LMO7: variants seen among roughly 807,000 people sequenced by gnomAD.
The protein encoded by LMO7 is LIM domain 7.
LMO7 carries 120 observed loss-of-function variants against 206.5 expected under a neutral mutation model. That is an observed-to-expected ratio of 0.58 (90% CI 0.50 to 0.68). LMO7 has a LOEUF of 0.68. LMO7 is among the 30% of genes least tolerant of loss of function. The pLI is 0.00. For missense variants in LMO7, 1,959 were observed against 1,957.9 expected (o/e 1.00, Z -0.01); for synonymous variants, 706 against 681.5 (o/e 1.04, Z -0.56).
At chr13:75,832,000 T>C (rs1434199298) in intron 15 of LMO7, among the ~76,000 whole-genome samples, 1 of 152,158 alleles carries the variant, frequency 6.6e-6, no homozygotes, top group African/African-American at 2.4e-5. Context: ...CTGGGTTAGG[T>C]TTAACTGCCA....
At chr13:75,842,095 A>G in intron 24 of LMO7, 112 bp downstream of exon 24, 2 of 753,102 alleles carry the variant, frequency 2.7e-6, no homozygotes, top group Non-Finnish European at 4.3e-6. Flanking sequence ...ACAAGTGAAT[A>G]CAAGCCACCA....
At chr13:75,623,522 C>G (rs1424424555) in intron 2 of LMO7, among the ~76,000 whole-genome samples, 1 of 151,856 alleles carries the variant, frequency 6.6e-6, no homozygotes, top group Non-Finnish European at 1.5e-5. Flanking sequence ...TGCCACCATA[C>G]CAGGCAAGTT....
chr13:75,645,615 A>G (rs2036937866), intron 1 of LMO7, among the ~76,000 whole-genome samples: 1 of 152,250 alleles, frequency 6.6e-6, no homozygotes, highest in Non-Finnish European at 1.5e-5. Context: ...TTTTACATGA[A>G]GAAGGGGACA....
chr13:75,825,434 G>A lies in LMO7; in HGVS notation c.2949+1561G>A, dbSNP rs371666698. Among the ~76,000 whole-genome samples, 3 of 152,272 alleles carry A rather than the reference G, an allele frequency of 2.0e-5. No homozygotes were observed. The East Asian group carries it at 5.8e-4, about 29-fold the overall frequency. The stretch of plus-strand genomic sequence containing the variant: ...TGACTAACTGCAACTGTGGATTAAG[G>A]AAAAGAGGCTAAGTGTGGTGCGTGG... On this transcript the variant is annotated intron_variant, in intron 15 of 30. Transcript: ENST00000377534.
intron 1 of LMO7, among the ~76,000 whole-genome samples, chr13:75,666,854 C>A (rs73225919): frequency 2.6e-4 from 40 of 152,224 alleles, no homozygotes; most frequent in Non-Finnish European, 5.3e-4. Context: ...TGCCCAGAAG[C>A]CAGCCAAACA....
chr13:75,800,952 G>A (rs2054646258), intron 7 of LMO7, 70 bp downstream of exon 7: 4 of 1,466,732 alleles, frequency 2.7e-6, no homozygotes, highest in Non-Finnish European at 3.8e-6. Context: ...GGAGAGAATA[G>A]AAAAATGGAG....
chr13:75,711,655 C>G (rs1006097195), intron 1 of LMO7, among the ~76,000 whole-genome samples: 5 of 152,184 alleles, frequency 3.3e-5, no homozygotes, highest in African/African-American at 1.2e-4. Flanking sequence ...GAGAGGAAGC[C>G]AGTACCTCAG....
intron 1 of LMO7, among the ~76,000 whole-genome samples, chr13:75,657,568 G>A (rs1294617202): frequency 6.6e-6 from 1 of 152,160 alleles, no homozygotes; most frequent in Non-Finnish European, 1.5e-5. Flanking sequence ...AAGTAGAAGA[G>A]AGAATGAATA....
Position 75,840,435 on chromosome 13 carries a change from T to A in LMO7, c.3522T>A (p.Asp1174Glu). ...TISAPSRWVWDQEEERKRQER... is the reference protein window; with the variant it reads ...TISAPSRWVWEQEEERKRQER... ...GTGCCCCGAGTCGCTGGGTGTGGGA[T>A]CAAGAGGAGGAGCGGAAGCGGCAGG... is the stretch of plus-strand genomic sequence containing the variant. The change falls in exon 22 of 31, where the codon GAT (aspartate) becomes GAA (glutamate). Residue 1174 changes from aspartate (D) to glutamate (E), a missense_variant. Transcript: ENST00000377534. 6.2e-7 allele frequency: 1 copy of A among 1,613,988 alleles called. No homozygotes were observed. Among genetic ancestry groups the A allele is most frequent in the Non-Finnish European group, 8.5e-7 (1 of 1,179,968 alleles).
chr13:75,723,255 A>G (rs2044175799), intron 2 of LMO7, among the ~76,000 whole-genome samples: 1 of 152,214 alleles, frequency 6.6e-6, no homozygotes, highest in Non-Finnish European at 1.5e-5. Context: ...TGCCTTTATT[A>G]TATCTTTAAA....
intron 24 of LMO7, 119 bp downstream of exon 24, chr13:75,842,102 A>G: frequency 1.4e-6 from 1 of 698,834 alleles, no homozygotes; most frequent in South Asian, 2.0e-5. Context: ...AATACAAGCC[A>G]CCAAAGAGAA....
At chr13:75,753,669 TC>T (rs1278603624) in intron 3 of LMO7, among the ~76,000 whole-genome samples, 2 of 152,132 alleles carry the variant, frequency 1.3e-5, no homozygotes, top group Non-Finnish European at 2.9e-5. Context: ...AAGGGGCTCT[TC>T]CCCTTTTGCT....
chr13:75,855,422 A>T (rs1306917515), intron 29 of LMO7, 54 bp downstream of exon 29: 1 of 1,212,334 alleles, frequency 8.2e-7, no homozygotes, highest in Non-Finnish European at 1.2e-6. Context: ...TGGAGAGCGC[A>T]TGGCTGCTTT....
At chr13:75,654,447 T>C (rs150930475) in intron 1 of LMO7, among the ~76,000 whole-genome samples, 3,818 of 151,902 alleles carry the variant, frequency 0.025, 82 homozygotes, top group Admixed American at 0.035. Context: ...TCAAATCCAA[T>C]TGGAAGCCAC....
At chr13:75,777,867 G>A (rs1394477553) in intron 4 of LMO7, among the ~76,000 whole-genome samples, 1 of 151,930 alleles carries the variant, frequency 6.6e-6, no homozygotes, top group Admixed American at 6.6e-5. Flanking sequence ...GGATGGTCTC[G>A]ATCTCCTGAC....
chr13:75,740,580 GT>G (rs1341491534), intron 3 of LMO7, among the ~76,000 whole-genome samples: 1 of 152,178 alleles, frequency 6.6e-6, no homozygotes. Flanking sequence ...ATTAGTGTCT[GT>G]TTTCTCTTCT....
rs773901880 is a variant in LMO7 at position 75,853,214 on chromosome 13, C to T, written c.4487C>T (p.Pro1496Leu). ...GTGCAAGACTTTAGTCGCCCACCAC[C>T]TCAGCTGGTGTCCACATCAAACCGT... ...SSVQDFSRPP[P>L]QLVSTSNRAY... is the part of the protein sequence containing the mutation. Residue 1496 changes from proline (P) to leucine (L), a missense_variant, in exon 28 of 31, where the codon CCT becomes CTT. Pro to Leu is a moderately conservative substitution (Grantham distance 98, BLOSUM62 -3). Coordinates refer to ENST00000377534, the MANE Select transcript of LMO7 (RefSeq NM_001306080.2). The T allele has an allele frequency of 2.5e-6, 4 of 1,614,144 alleles. No homozygotes were observed. Among genetic ancestry groups the T allele is most frequent in the Admixed American group, 1.7e-5 (1 of 60,022 alleles).
intron 2 of LMO7, among the ~76,000 whole-genome samples, chr13:75,716,982 T>C (rs537716660): frequency 6.6e-6 from 1 of 150,956 alleles, no homozygotes; most frequent in East Asian, 2.0e-4. Context: ...AGTCTGTACC[T>C]CCCATCCCTG....
intron 1 of LMO7, among the ~76,000 whole-genome samples, chr13:75,671,926 A>T (rs1407714872): frequency 6.6e-6 from 1 of 151,968 alleles, no homozygotes; most frequent in Admixed American, 6.6e-5. Flanking sequence ...CATGGTAAAT[A>T]AAAAAAATCT....
Sources: allele counts gnomAD v4.1 joint callset (sites outside exome capture counted in the v4.1 genomes callset), GRCh38; gene constraint gnomAD v4.1.1; transcripts MANE v1.5; gene names NCBI Gene and HGNC (gene_info 2026-07-23, HGNC 2026-07-21).